The following ACSS1 variants were observed in gnomAD, a reference collection of about 807,000 sequenced individuals.
The protein encoded by ACSS1 is acetyl-coenzyme A synthetase 2-like, mitochondrial.
In ACSS1, 42 loss-of-function variants were observed where a neutral mutation model predicts 75.3. The ratio of observed to expected loss-of-function variants is 0.56; its 90% confidence interval spans 0.44 to 0.72. The LOEUF (loss-of-function observed/expected upper bound fraction) is 0.72. ACSS1 is among the 30% of genes least tolerant of loss of function. The probability of loss-of-function intolerance (pLI) is 0.00; values close to 1 mark genes in which losing one functional copy is unlikely to be tolerated. For missense variants in ACSS1, 782 were observed against 935.7 expected (o/e 0.84, Z 2.14); for synonymous variants, 380 against 376.8 (o/e 1.01, Z -0.10).
chr20:25,010,076 G>T (rs1431979690), intron 12 of ACSS1: 1 of 152,412 alleles, frequency 6.6e-6, no homozygotes, highest in East Asian at 1.9e-4. Flanking sequence ...TAATTTGATT[G>T]TTGTCCATAT....
intron 3 of ACSS1, among the ~76,000 whole-genome samples, chr20:25,028,150 AT>A (rs2088759671): frequency 6.6e-6 from 1 of 152,246 alleles, no homozygotes; most frequent in African/African-American, 2.4e-5. Context: ...AAGATATCCC[AT>A]GTTTGTGGAT....
chr20:25,027,106 G>A (rs1318360410), intron 3 of ACSS1, among the ~76,000 whole-genome samples: 2 of 152,178 alleles, frequency 1.3e-5, no homozygotes, highest in Admixed American at 1.3e-4. Flanking sequence ...TCACTTACTA[G>A]GTATGTGACC....
At chr20:25,009,984 C>T (rs967327133) in intron 12 of ACSS1, 1 of 152,910 alleles carries the variant, frequency 6.5e-6, no homozygotes, top group Admixed American at 6.5e-5. Context: ...ACGGGCCAGC[C>T]CACATTATAG....
intron 2 of ACSS1, among the ~76,000 whole-genome samples, chr20:25,035,891 T>C (rs1305040925): frequency 1.3e-5 from 2 of 152,234 alleles, no homozygotes; most frequent in East Asian, 1.9e-4. Flanking sequence ...TGTTTTTGGA[T>C]ATTCATAATT....
intron 1 of ACSS1, among the ~76,000 whole-genome samples, chr20:25,055,212 ACT>A (rs1377739624): frequency 3.3e-5 from 5 of 152,212 alleles, no homozygotes; most frequent in African/African-American, 7.2e-5. Context: ...TGACTCACAG[ACT>A]CTGCGAGGAA....
At chr20:25,055,258 T>C (rs1455088825) in intron 1 of ACSS1, among the ~76,000 whole-genome samples, 1 of 152,222 alleles carries the variant, frequency 6.6e-6, no homozygotes, top group Non-Finnish European at 1.5e-5. Context: ...TCACTAAACT[T>C]AGGGGTGGTT....
intron 8 of ACSS1, 105 bp downstream of exon 8, chr20:25,015,033 C>G: frequency 1.0e-6 from 1 of 992,992 alleles, no homozygotes; most frequent in Admixed American, 2.6e-5. Context: ...GTTGAAGCGT[C>G]TTCTATCGCA....
chr20:25,048,040 G>A (rs765709333), intron 2 of ACSS1, 45 bp downstream of exon 2: 6 of 1,576,552 alleles, frequency 3.8e-6, no homozygotes, highest in Non-Finnish European at 5.2e-6. Context: ...CACAGGACTG[G>A]GCTGGGCGCC....
intron 10 of ACSS1, among the ~76,000 whole-genome samples, 178 bp from the exon 11 acceptor site, chr20:25,013,117 G>C (rs575904160): frequency 3.9e-5 from 6 of 152,164 alleles, no homozygotes; most frequent in Admixed American, 1.3e-4. Context: ...CCGAGATATC[G>C]AGACTTTGGG....
At chr20:25,032,688 G>T in intron 2 of ACSS1, 1 of 1,190,070 alleles carries the variant, frequency 8.4e-7, no homozygotes, top group Non-Finnish European at 1.0e-6. Flanking sequence ...CTGTTCAAAG[G>T]GTAGTCAAGG....
Position 25,016,945 on chromosome 20 carries a change from A to C in ACSS1, c.1247-1715T>G, listed in dbSNP as rs369535450. ...ACAGGGCCGAAGGCGCAGGAGCAAC[A>C]ACCCCTGGAGCAGAGGTCGAGGAAA... On this transcript the variant is annotated intron_variant, in intron 7 of 13. Coordinates refer to ENST00000323482, the MANE Select transcript of ACSS1 (RefSeq NM_032501.4). 1.6e-4 allele frequency among the ~76,000 whole-genome samples: 25 copies of C among 152,222 alleles called. 1 individual carries two copies. The highest frequency in any genetic ancestry group is 6.0e-4 in the African/African-American group (25 of 41,536).
intron 3 of ACSS1, among the ~76,000 whole-genome samples, chr20:25,030,171 G>C (rs1181536348): frequency 1.3e-5 from 2 of 152,190 alleles, no homozygotes; most frequent in African/African-American, 2.4e-5. Context: ...CCAGCTCAGG[G>C]ACTCCCTCTA....
At chr20:25,022,658 A>G (rs113656409) in intron 5 of ACSS1, among the ~76,000 whole-genome samples, 5,407 of 152,340 alleles carry the variant, frequency 0.035, 160 homozygotes, top group African/African-American at 0.077. Context: ...TTCTAAAAAG[A>G]GTTTTTAAAA....
At chr20:25,053,143 A>AG (rs1218785423) in intron 1 of ACSS1, among the ~76,000 whole-genome samples, 4 of 145,150 alleles carry the variant, frequency 2.8e-5, no homozygotes, top group African/African-American at 1.1e-4. Flanking sequence ...AGCTCACTGC[A>AG]ACCTCCACCT....
chr20:25,044,281 C>G (rs1275688379), intron 2 of ACSS1, among the ~76,000 whole-genome samples: 16 of 152,320 alleles, frequency 1.1e-4, no homozygotes, highest in Non-Finnish European at 2.4e-4. Flanking sequence ...TGGCCACCCC[C>G]CAGGGTCTCT....
At chr20:25,032,165 G>T (rs1201301722) in intron 2 of ACSS1, among the ~76,000 whole-genome samples, 1 of 152,182 alleles carries the variant, frequency 6.6e-6, no homozygotes, top group Non-Finnish European at 1.5e-5. Context: ...CGTCCACCAC[G>T]TTGCCTATGT....
At chr20:25,024,792 C>T (rs1236513153) in intron 3 of ACSS1, among the ~76,000 whole-genome samples, 1 of 152,204 alleles carries the variant, frequency 6.6e-6, no homozygotes, top group Non-Finnish European at 1.5e-5. Context: ...CTCCTAAGAG[C>T]CCTGGAGATG....
At chr20:25,016,330 A>G (rs982282492) in intron 7 of ACSS1, among the ~76,000 whole-genome samples, 3 of 152,220 alleles carry the variant, frequency 2.0e-5, no homozygotes, top group Non-Finnish European at 2.9e-5. Context: ...TAGCACTTAT[A>G]CACGTAAACA....
chr20:25,019,977 A>G, intron 7 of ACSS1, 33 bp downstream of exon 7: 1 of 1,613,816 alleles, frequency 6.2e-7, no homozygotes, highest in South Asian at 1.1e-5. Flanking sequence ...TAGGGCAAGC[A>G]CAACCTCTCC....
Sources: gnomAD v4.1 joint callset for allele counts (sites outside exome capture counted in the v4.1 genomes callset) on GRCh38, gnomAD v4.1.1 for gene constraint, MANE v1.5 for transcripts, NCBI Gene and HGNC (gene_info 2026-07-23, HGNC 2026-07-21) for gene names.